TRPM3: variants seen among roughly 807,000 people sequenced by gnomAD.
TRPM3 encodes long transient receptor potential channel 3.
A neutral mutation model predicts 181.2 loss-of-function variants in TRPM3; 77 were observed. That is an observed-to-expected ratio of 0.42 (90% confidence interval 0.35 to 0.51). The LOEUF is 0.51. Ranked by LOEUF, TRPM3 falls within the 20% of genes least tolerant of loss-of-function variation. The pLI is 0.01. For missense variants in TRPM3, 1,759 were observed against 2,196.7 expected (o/e 0.80, Z 3.98); for synonymous variants, 745 against 796.4 (o/e 0.94, Z 1.09).
Position 70,946,050 on chromosome 9 carries a change from G to T in TRPM3, c.178-81539C>A, listed in dbSNP as rs180706004. 8.7e-4 allele frequency among the ~76,000 whole-genome samples: 132 copies of T among 152,298 alleles called. 1 individual carries two copies. Among genetic ancestry groups the T allele is most frequent in the African/African-American group, 3.0e-3 (123 of 41,576 alleles). On this transcript the variant is annotated intron_variant, in intron 1 of 25. Transcript: ENST00000677713. Reference sequence around the variant, plus strand: ...GTCAACAATAGTTAAGTATCCTGTGGATAGTACAAATGATCAAATATATCT... The same window carrying T: ...GTCAACAATAGTTAAGTATCCTGTGTATAGTACAAATGATCAAATATATCT...
rs531678784 is a variant in TRPM3 at position 71,339,259 on chromosome 9, T to A, written c.183+107394A>T. ...GTCTCAAATATCAAGATGTTAGTTA[T>A]GTCAAAGTTAATTCATAAACTTAAT... is the stretch of plus-strand genomic sequence containing the variant. On this transcript the variant is annotated intron_variant, in intron 1 of 24. Coordinates refer to the TRPM3 transcript ENST00000357533. 6.6e-5 allele frequency among the ~76,000 whole-genome samples: 10 copies of A among 152,288 alleles called. 1 individual carries two copies. In the South Asian group the frequency reaches 2.1e-3, roughly 32 times the overall value.
intron 1 of TRPM3, among the ~76,000 whole-genome samples, chr9:71,136,014 A>G (rs1936183230): frequency 6.6e-6 from 1 of 152,250 alleles, no homozygotes; most frequent in African/African-American, 2.4e-5. Context: ...ATTAACATCA[A>G]TTAGCTGGAT....
intron 1 of TRPM3, among the ~76,000 whole-genome samples, chr9:71,290,231 G>A (rs555798248): frequency 3.9e-5 from 6 of 152,012 alleles, no homozygotes; most frequent in Non-Finnish European, 7.4e-5. Flanking sequence ...ATAAGATACC[G>A]GGTTATATAT....
intron 5 of TRPM3, 130 bp from the exon 6 acceptor site, chr9:70,828,148 A>G: frequency 1.1e-6 from 1 of 905,520 alleles, no homozygotes; most frequent in Non-Finnish European, 1.6e-6. Flanking sequence ...TACAGTCTAC[A>G]TCTTCTTCTT....
chr9:71,282,238 AGAAT>A lies in TRPM3; in HGVS notation c.183+164411_183+164414del, dbSNP rs1486597544. ...AAAGGAAAGAAAGAAAGAAAAAGAA[AGAAT>A]GAAAGAAAGAAAGAAAGGAAAGAAA... On this transcript the variant is annotated intron_variant, in intron 1 of 24. Transcript: ENST00000357533. Among the ~76,000 whole-genome samples, 5 of 111,014 alleles carry A rather than the reference AGAAT, an allele frequency of 4.5e-5. 2 individuals are homozygous for A. The highest frequency in any genetic ancestry group is 2.1e-4 in the African/African-American group (5 of 23,550). The allele number at this position is 111,014 out of a possible 152,430, so 72.8% of individuals were successfully genotyped here.
At chr9:71,181,535 G>A (rs770528144) in intron 1 of TRPM3, among the ~76,000 whole-genome samples, 6 of 151,950 alleles carry the variant, frequency 3.9e-5, no homozygotes, top group Non-Finnish European at 7.4e-5. Flanking sequence ...GATGCATGAC[G>A]CCTACTAAAC....
chr9:70,809,904 C>T, intron 6 of TRPM3: 1 of 526,326 alleles, frequency 1.9e-6, no homozygotes, highest in Non-Finnish European at 3.9e-6. Context: ...CAGTTATGGG[C>T]CCAATGATGG....
chr9:71,268,801 G>A (rs999751878), intron 1 of TRPM3, among the ~76,000 whole-genome samples: 6 of 152,056 alleles, frequency 3.9e-5, no homozygotes, highest in Admixed American at 6.6e-5. Flanking sequence ...CAGCCTGGGC[G>A]ACAGAGCGAG....
chr9:70,530,114 A>T lies in TRPM3; in HGVS notation c.*5839T>A, dbSNP rs1460519195. 6.6e-6 allele frequency: 1 copy of T among 152,252 alleles called. No homozygotes were observed. The highest frequency in any genetic ancestry group is 1.5e-5 in the Non-Finnish European group (1 of 68,074). 9.4% of individuals were successfully genotyped at this position (152,252 alleles called of 1,614,324 possible). ...TCAATGTGAACACCAGCCGGGGTAG[A>T]GGCAGGAGGAGGCTAAGTTGGTGGG... On this transcript the variant is annotated 3_prime_UTR_variant, in exon 26 of 26. Transcript: ENST00000677713.
chr9:71,043,727 A>T (rs764205667), intron 1 of TRPM3, among the ~76,000 whole-genome samples: 2 of 152,226 alleles, frequency 1.3e-5, no homozygotes, highest in Admixed American at 6.5e-5. Flanking sequence ...CTTCACTGCA[A>T]ATCTGTGAAA....
intron 9 of TRPM3, among the ~76,000 whole-genome samples, chr9:70,656,240 T>TA (rs1331934719): frequency 3.3e-5 from 5 of 152,344 alleles, no homozygotes; most frequent in Middle Eastern, 3.4e-3. Flanking sequence ...GCATAGGGGT[T>TA]AAAAAACTAT....
chr9:71,221,884 A>C lies in TRPM3; in HGVS notation c.183+224769T>G, dbSNP rs1348153080. 3.3e-5 allele frequency among the ~76,000 whole-genome samples: 5 copies of C among 152,226 alleles called. No individual in the cohort carries two copies. The East Asian group carries it at 5.8e-4, about 18-fold the overall frequency. ...TGAAGGGAAATGTCTGCCTCAGAAG[A>C]AGCAGCTACCCAGAGCTGCAATGAG... On this transcript the variant is annotated intron_variant, in intron 1 of 24. Transcript: ENST00000357533.
chr9:70,830,799 T>C (rs1758025045), intron 5 of TRPM3, among the ~76,000 whole-genome samples: 2 of 152,202 alleles, frequency 1.3e-5, no homozygotes. Context: ...TGGGGATTAG[T>C]TGAGATTATA....
At chr9:71,399,483 T>C (rs1020795356) in intron 1 of TRPM3, among the ~76,000 whole-genome samples, 171 of 152,106 alleles carry the variant, frequency 1.1e-3, no homozygotes, top group African/African-American at 4.0e-3. Flanking sequence ...TTTGGATAAT[T>C]TAAAGATAGA....
chr9:71,438,055 A>G (rs2094074224), intron 1 of TRPM3, among the ~76,000 whole-genome samples: 2 of 152,170 alleles, frequency 1.3e-5, no homozygotes, highest in African/African-American at 4.8e-5. Flanking sequence ...GCACCTGGTC[A>G]AATCACTAGT....
intron 1 of TRPM3, among the ~76,000 whole-genome samples, chr9:71,325,859 T>G (rs2089646608): frequency 6.6e-6 from 1 of 152,196 alleles, no homozygotes; most frequent in East Asian, 1.9e-4. Context: ...TTTTCTACTC[T>G]GCTTATAACA....
At chr9:70,694,142 C>T (rs1194393510) in intron 8 of TRPM3, among the ~76,000 whole-genome samples, 1 of 152,172 alleles carries the variant, frequency 6.6e-6, no homozygotes, top group Non-Finnish European at 1.5e-5. Flanking sequence ...TCCATTTCAG[C>T]CTGTGTCACT....
At chr9:71,049,109 C>G (rs926478787) in intron 1 of TRPM3, among the ~76,000 whole-genome samples, 3 of 152,180 alleles carry the variant, frequency 2.0e-5, no homozygotes, top group African/African-American at 7.2e-5. Context: ...CCCTCACATA[C>G]TTCAGCACTT....
At chr9:71,168,548 A>AAGG (rs2076656321) in intron 1 of TRPM3, among the ~76,000 whole-genome samples, 1 of 18,586 alleles carries the variant, frequency 5.4e-5, no homozygotes, top group African/African-American at 2.2e-4. Context: ...TTATTTATTT[A>AAGG]TTTATTTATT....
Sources: gnomAD v4.1 joint callset for allele counts (sites outside exome capture counted in the v4.1 genomes callset) on GRCh38, gnomAD v4.1.1 for gene constraint, MANE v1.5 for transcripts, NCBI Gene and HGNC (gene_info 2026-07-23, HGNC 2026-07-21) for gene names.